Variants in SPON1 observed in about 807,000 individuals in gnomAD.
SPON1 encodes the protein spondin 1.
Under a neutral mutation model 111.7 loss-of-function variants are expected in SPON1, and 52 were observed. That is an observed-to-expected ratio of 0.47 (90% CI 0.37 to 0.59). The LOEUF (loss-of-function observed/expected upper bound fraction) is 0.59, where lower values mean the gene tolerates loss of function less well. Ranked by LOEUF, SPON1 falls within the 20% of genes least tolerant of loss-of-function variation. The pLI is 0.00. For synonymous variants in SPON1, 410 were observed against 395.8 expected, an observed-to-expected ratio of 1.04 and a Z score of -0.43; for missense variants, 957 against 1,068.5, an observed-to-expected ratio of 0.90 and a Z score of 1.46.
At chr11:14,254,448 C>T in intron 7 of SPON1, 80 bp from the exon 8 acceptor site, 2 of 1,279,866 alleles carry the variant, frequency 1.6e-6, no homozygotes, top group Non-Finnish European at 2.2e-6. Context: ...TCTCATTCTT[C>T]ATAATCCAGG....
intron 6 of SPON1, among the ~76,000 whole-genome samples, chr11:14,222,766 A>C (rs7115269): frequency 0.04 from 6,062 of 152,296 alleles, 415 homozygotes; most frequent in African/African-American, 0.14. Context: ...GAAAGAAAAA[A>C]AATTAAGCCC....
chr11:14,043,800 A>G (rs1848648947), intron 3 of SPON1, among the ~76,000 whole-genome samples: 1 of 152,258 alleles, frequency 6.6e-6, no homozygotes, highest in African/African-American at 2.4e-5. Context: ...CCCATTAACA[A>G]TCAACGTTAT....
chr11:14,250,772 T>C (rs1250296280), intron 7 of SPON1, among the ~76,000 whole-genome samples: 2 of 152,240 alleles, frequency 1.3e-5, no homozygotes, highest in South Asian at 2.1e-4. Context: ...CAGTCCTATC[T>C]AGCATTTTCT....
At chr11:13,999,427 T>C (rs1276457048) in intron 2 of SPON1, among the ~76,000 whole-genome samples, 1 of 150,784 alleles carries the variant, frequency 6.6e-6, no homozygotes, top group Non-Finnish European at 1.5e-5. Context: ...TTTCTTTCTT[T>C]TTTTTTTTTT....
intron 2 of SPON1, among the ~76,000 whole-genome samples, chr11:14,037,019 AC>A (rs1460104191): frequency 1.3e-5 from 2 of 152,190 alleles, no homozygotes; most frequent in Non-Finnish European, 2.9e-5. Context: ...AAGTATAGCT[AC>A]CTTATTCAAG....
At chr11:14,117,270 T>C (rs1423241329) in intron 5 of SPON1, among the ~76,000 whole-genome samples, 1 of 152,224 alleles carries the variant, frequency 6.6e-6, no homozygotes, top group Non-Finnish European at 1.5e-5. Flanking sequence ...CCCAATCTCA[T>C]GGGGAAAGCT....
intron 6 of SPON1, among the ~76,000 whole-genome samples, chr11:14,181,857 T>C (rs1198388755): frequency 6.6e-6 from 1 of 152,214 alleles, no homozygotes; most frequent in African/African-American, 2.4e-5. Context: ...GGTTTTTTGT[T>C]TTTTGTTTTT....
At chr11:14,079,693 C>CT (rs1554921850) in intron 4 of SPON1, among the ~76,000 whole-genome samples, 28,986 of 150,606 alleles carry the variant, frequency 0.19, 3,312 homozygotes, top group African/African-American at 0.32. Context: ...AAAAAGCTCT[C>CT]TTTTTTTTTT....
chr11:14,054,802 A>G (rs1475031041), intron 3 of SPON1, among the ~76,000 whole-genome samples: 1 of 152,220 alleles, frequency 6.6e-6, no homozygotes, highest in Non-Finnish European at 1.5e-5. Flanking sequence ...CCCTTGGAAC[A>G]GCAGCCAGGA....
intron 2 of SPON1, among the ~76,000 whole-genome samples, chr11:13,994,734 T>C (rs1410740152): frequency 3.9e-5 from 6 of 152,202 alleles, no homozygotes; most frequent in African/African-American, 7.2e-5. Flanking sequence ...AGAAAAATAC[T>C]CTAGAACTTT....
chr11:14,142,376 C>A (rs1554928870), intron 6 of SPON1, among the ~76,000 whole-genome samples: 1 of 152,206 alleles, frequency 6.6e-6, no homozygotes, highest in African/African-American at 2.4e-5. Context: ...TTACCATCTA[C>A]TTCAACTACT....
At chr11:14,244,154 G>A (rs984492181) in intron 7 of SPON1, among the ~76,000 whole-genome samples, 4 of 152,084 alleles carry the variant, frequency 2.6e-5, no homozygotes, top group Non-Finnish European at 2.9e-5. Flanking sequence ...CCTGGACCAC[G>A]TCACCTTTTT....
chr11:14,242,100 C>T (rs1554939751), intron 6 of SPON1, among the ~76,000 whole-genome samples: 1 of 152,148 alleles, frequency 6.6e-6, no homozygotes, highest in South Asian at 2.1e-4. Flanking sequence ...CCCCTTCCTG[C>T]ATGGTAAATG....
intron 6 of SPON1, among the ~76,000 whole-genome samples, chr11:14,139,468 G>A (rs782803234): frequency 2.0e-5 from 3 of 152,226 alleles, no homozygotes; most frequent in Admixed American, 6.5e-5. Flanking sequence ...TAAAGCTGCC[G>A]TTCCCACTAT....
chr11:14,218,083 G>A (rs1848643788), intron 6 of SPON1, among the ~76,000 whole-genome samples: 1 of 152,124 alleles, frequency 6.6e-6, no homozygotes, highest in Non-Finnish European at 1.5e-5. Context: ...TTGAATGTAT[G>A]ATTATCATAT....
chr11:14,090,149 AG>A (rs2133837426), intron 5 of SPON1, among the ~76,000 whole-genome samples: 1 of 138,720 alleles, frequency 7.2e-6, no homozygotes, highest in East Asian at 2.4e-4. Flanking sequence ...TTTCCAGGGG[AG>A]TGAATGAACA....
At chr11:14,038,897 G>A (rs1848613201) in intron 2 of SPON1, among the ~76,000 whole-genome samples, 1 of 152,194 alleles carries the variant, frequency 6.6e-6, no homozygotes, top group African/African-American at 2.4e-5. Flanking sequence ...ACCTGCACAT[G>A]GACGTTTATA....
intron 6 of SPON1, among the ~76,000 whole-genome samples, chr11:14,230,452 C>T (rs183515165): frequency 2.6e-5 from 4 of 152,260 alleles, no homozygotes; most frequent in Admixed American, 6.5e-5. Context: ...TTGAAACTGC[C>T]GTTACTTTAA....
At chr11:13,979,305 A>T (rs1235094171) in intron 1 of SPON1, among the ~76,000 whole-genome samples, 2 of 152,102 alleles carry the variant, frequency 1.3e-5, no homozygotes, top group African/African-American at 4.8e-5. Flanking sequence ...CATAAGTTGT[A>T]TGGGATTTAG....
Sources: gnomAD v4.1 joint callset for allele counts (sites outside exome capture counted in the v4.1 genomes callset) on GRCh38, gnomAD v4.1.1 for gene constraint, MANE v1.5 for transcripts, NCBI Gene and HGNC (gene_info 2026-07-23, HGNC 2026-07-21) for gene names.